The following ZRANB2 variants were observed in gnomAD, a reference collection of about 807,000 sequenced individuals.
ZRANB2 encodes the protein zinc finger Ran-binding domain-containing protein 2.
In ZRANB2, 19 loss-of-function variants were observed where a neutral mutation model predicts 53.4. That is an observed-to-expected ratio of 0.36 (90% confidence interval 0.25 to 0.52). The LOEUF is 0.52. Ranked by LOEUF, ZRANB2 falls within the 20% of genes least tolerant of loss-of-function variation. The pLI, the probability that ZRANB2 is intolerant of heterozygous loss-of-function variation, is 0.93. For synonymous variants in ZRANB2, 145 were observed against 134.8 expected (o/e 1.08, Z -0.52); for missense variants, 309 against 401.1 (o/e 0.77, Z 1.96).
rs879917287 is a variant in ZRANB2 at position 71,064,233 on chromosome 1, T to C, written c.*841A>G. On this transcript the variant is annotated 3_prime_UTR_variant, in exon 10 of 10. Coordinates refer to ENST00000370920, the MANE Select transcript of ZRANB2 (RefSeq NM_203350.3). Reference sequence around the variant, plus strand: ...CCTTTCACCAAAAGAGAAATATACTTTAAAAGCTTACTTCAATTTGCTCAT... The same window carrying C: ...CCTTTCACCAAAAGAGAAATATACTCTAAAAGCTTACTTCAATTTGCTCAT... The C allele has an allele frequency of 6.6e-6, 1 of 152,260 alleles. No individual in the cohort carries two copies. Among genetic ancestry groups the C allele is most frequent in the Non-Finnish European group, 1.5e-5 (1 of 67,892 alleles). The allele number at this position is 152,260 out of a possible 1,614,324, so 9.4% of individuals were successfully genotyped here. A position where few individuals can be genotyped will look rare whatever the true frequency, so the allele number is the denominator to read the frequency against.
rs1260838199 is a variant in ZRANB2, at chr1:71,078,585, G to A, written c.110-20C>T. Reference sequence around the variant, plus strand: ...TTTTCTCTGAAAACAGAAAAATCATGCAATATGAACCTGGAGAAATAAATA... The same window carrying A: ...TTTTCTCTGAAAACAGAAAAATCATACAATATGAACCTGGAGAAATAAATA... On this transcript the variant is annotated intron_variant, in intron 2 of 9. Coordinates refer to ENST00000370920, the MANE Select transcript of ZRANB2 (RefSeq NM_203350.3). The A allele has an allele frequency of 1.2e-6, 2 of 1,611,998 alleles. No individual in the cohort carries two copies. The highest frequency in any genetic ancestry group is 2.7e-5 in the African/African-American group (2 of 74,796).
At chr1:71,074,632 T>C (rs1328725849) in intron 4 of ZRANB2, among the ~76,000 whole-genome samples, 2 of 151,686 alleles carry the variant, frequency 1.3e-5, no homozygotes, top group Non-Finnish European at 2.9e-5. Flanking sequence ...ACTAAGTTTG[T>C]TTTTATGCCA....
chr1:71,072,797 T>A (rs1167328922), intron 4 of ZRANB2, among the ~76,000 whole-genome samples: 1 of 152,132 alleles, frequency 6.6e-6, no homozygotes, highest in Non-Finnish European at 1.5e-5. Context: ...CTTATTTAAT[T>A]CATAGAAAGT....
chr1:71,076,751 T>C (rs1178731530), intron 4 of ZRANB2, 44 bp downstream of exon 4: 8 of 1,394,748 alleles, frequency 5.7e-6, no homozygotes, highest in Non-Finnish European at 8.1e-6. Context: ...CAATATTTAG[T>C]GCTTTAAAAA....
At chr1:71,066,077 G>A in intron 9 of ZRANB2, 1 of 189,362 alleles carries the variant, frequency 5.3e-6, no homozygotes, top group Non-Finnish European at 1.1e-5. Flanking sequence ...TGAAAAATTT[G>A]CAAAGACTAC....
rs148554337 is a variant in ZRANB2, at chr1:71,072,269, A to G, written c.379-14T>C. On this transcript the variant is annotated splice_polypyrimidine_tract_variant and intron_variant, in intron 5 of 9. Coordinates refer to ENST00000370920, the MANE Select transcript of ZRANB2 (RefSeq NM_203350.3). The stretch of plus-strand genomic sequence containing the variant: ...TTTACGTCCAAACTAGAGAAAAACA[A>G]TTTCAAAATGCTTGTCAGCTGATAA... 342 of 1,601,210 alleles carry G rather than the reference A, an allele frequency of 2.1e-4. 1 individual carries two copies. The African/African-American group carries it at 4.2e-3, about 20-fold the overall frequency.
At chr1:71,076,773 T>G in intron 4 of ZRANB2, 22 bp downstream of exon 4, 1 of 1,559,728 alleles carries the variant, frequency 6.4e-7, no homozygotes. Context: ...AATCATTTAG[T>G]TACAATGTGG....
rs913427739 is a variant in ZRANB2, at chr1:71,069,133, A to C, written c.770+143T>G. 5.2e-6 allele frequency: 3 copies of C among 576,946 alleles called. No individual in the cohort carries two copies. In the African/African-American group the frequency reaches 5.8e-5, roughly 11 times the overall value. 35.7% of individuals were successfully genotyped at this position (576,946 alleles called of 1,614,324 possible). ...GAAACATTTCATGGTGAGAAAATTA[A>C]GCTGAGGCAAGTGCATTAGTTTTCT... On this transcript the variant is annotated intron_variant, in intron 8 of 9. Coordinates refer to ENST00000370920, the MANE Select transcript of ZRANB2 (RefSeq NM_203350.3).
chr1:71,071,085 A>G, intron 6 of ZRANB2, 89 bp from the exon 7 acceptor site: 1 of 1,055,340 alleles, frequency 9.5e-7, no homozygotes, highest in Non-Finnish European at 1.3e-6. Flanking sequence ...GAGCACCTCC[A>G]TATGCATATA....
chr1:71,069,952 T>G (rs1661559926), intron 7 of ZRANB2, among the ~76,000 whole-genome samples: 1 of 152,216 alleles, frequency 6.6e-6, no homozygotes, highest in Non-Finnish European at 1.5e-5. Flanking sequence ...TTCATTAATC[T>G]AATTTACAAC....
chr1:71,070,675 AC>A, intron 7 of ZRANB2, 151 bp downstream of exon 7: 1 of 510,920 alleles, frequency 2.0e-6, no homozygotes, highest in Non-Finnish European at 3.3e-6. Flanking sequence ...ACTGTATGGT[AC>A]TAAGCTGAAA....
At chr1:71,077,961 A>G (rs1056263249) in intron 3 of ZRANB2, among the ~76,000 whole-genome samples, 1 of 152,222 alleles carries the variant, frequency 6.6e-6, no homozygotes, top group Admixed American at 6.5e-5. Flanking sequence ...AAAAGATGGA[A>G]GTTGGAAAAA....
At chr1:71,065,192 G>T in intron 9 of ZRANB2, 55 bp from the exon 10 acceptor site, 1 of 1,390,470 alleles carries the variant, frequency 7.2e-7, no homozygotes, top group Non-Finnish European at 1.0e-6. Flanking sequence ...CTAAATCTCA[G>T]CATTCATTCT....
chr1:71,070,716 T>A (rs1661575778), intron 7 of ZRANB2, 111 bp downstream of exon 7: 1 of 638,578 alleles, frequency 1.6e-6, no homozygotes, highest in Non-Finnish European at 2.5e-6. Flanking sequence ...TTGAATTAAA[T>A]TTTTAAAATA....
intron 7 of ZRANB2, among the ~76,000 whole-genome samples, chr1:71,070,455 C>T (rs1661569165): frequency 6.6e-6 from 1 of 151,980 alleles, no homozygotes; most frequent in Non-Finnish European, 1.5e-5. Flanking sequence ...TAGAAAATTT[C>T]TGTGCTAGCC....
In ZRANB2 at chr1:71,066,887, G is replaced by A. The variant is rs1370677398; in HGVS notation, c.818C>T (p.Ser273Phe). Reference protein sequence around the residue: ...HRGSSSPRKRSYSSSSSSPER... With the variant: ...HRGSSSPRKRFYSSSSSSPER... ...AGGAGAAGATGATGAACTTGAATAA[G>A]ATCTTTTTCGTGGGGAAGAAGAGCC... is the stretch of plus-strand genomic sequence containing the variant. The change falls in exon 9 of 10, where the codon TCT becomes TTT. Residue 273 changes from serine (S) to phenylalanine (F), a missense_variant. Transcript: ENST00000370920. The A allele has an allele frequency of 2.5e-6, 4 of 1,604,264 alleles. No homozygotes were observed. Among genetic ancestry groups the A allele is most frequent in the African/African-American group, 1.3e-5 (1 of 74,530 alleles).
intron 4 of ZRANB2, among the ~76,000 whole-genome samples, chr1:71,076,351 T>A (rs1482602393): frequency 6.6e-6 from 1 of 152,214 alleles, no homozygotes; most frequent in Non-Finnish European, 1.5e-5. Flanking sequence ...TTGCAATCGA[T>A]ATTTGAAAAA....
chr1:71,072,582 A>G, intron 4 of ZRANB2, 34 bp from the exon 5 acceptor site: 1 of 1,518,560 alleles, frequency 6.6e-7, no homozygotes, highest in African/African-American at 1.4e-5. Context: ...TTACCCTATG[A>G]CAATTGATTT....
Position 71,065,085 on chromosome 1 carries a change from T to C in ZRANB2, c.982A>G (p.Lys328Glu), listed in dbSNP as rs1200070558. ...TAAATTTTAATACATTATTTCTTTTTTGAACTTGAACGGGAACCAGAATGG... is the reference window on the plus strand; with the variant it reads ...TAAATTTTAATACATTATTTCTTTTCTGAACTTGAACGGGAACCAGAATGG... The part of the protein sequence containing the change: ...SSHSGSRSSS[K>E]KK Residue 328 changes from lysine (K) to glutamate (E), a missense_variant, in exon 10 of 10, where the codon AAA becomes GAA. By Grantham distance (56) the Lys-to-Glu change is moderately conservative. Transcript: ENST00000370920. 3 of 1,609,992 alleles carry C rather than the reference T, an allele frequency of 1.9e-6. No homozygotes were observed. The East Asian group carries it at 6.7e-5, about 36-fold the overall frequency.
Sources: gnomAD v4.1 joint callset for allele counts (sites outside exome capture counted in the v4.1 genomes callset) on GRCh38, gnomAD v4.1.1 for gene constraint, MANE v1.5 for transcripts, NCBI Gene and HGNC (gene_info 2026-07-23, HGNC 2026-07-21) for gene names.